SLC22A25: variants seen among roughly 807,000 people sequenced by gnomAD.
The protein encoded by SLC22A25 is MGI:2442751, MGI:2385316, MGI:3042283, MGI:3645714, MGI:3605624, MGI:2442750.
A neutral mutation model predicts 45.9 loss-of-function variants in SLC22A25; 44 were observed. The ratio of observed to expected loss-of-function variants is 0.96; its 90% CI spans 0.75 to 1.23. SLC22A25 has a LOEUF of 1.23. Ranked by LOEUF, SLC22A25 falls within the 50% of genes most tolerant of loss-of-function variation. The pLI, the probability that SLC22A25 is intolerant of heterozygous loss-of-function variation, is 0.00. For missense variants in SLC22A25, 800 were observed against 666.4 expected (o/e 1.20, Z -2.21); for synonymous variants, 283 against 238.6 (o/e 1.19, Z -1.72).
chr11:63,187,862 G>T (rs988800193), intron 7 of SLC22A25, among the ~76,000 whole-genome samples: 2 of 152,078 alleles, frequency 1.3e-5, no homozygotes, highest in Admixed American at 1.3e-4. Context: ...GATTTGCATA[G>T]GTTGAACCAG....
intron 7 of SLC22A25, among the ~76,000 whole-genome samples, chr11:63,216,281 A>G (rs949909720): frequency 1.3e-5 from 2 of 152,184 alleles, no homozygotes; most frequent in Non-Finnish European, 2.9e-5. Flanking sequence ...GTGGGAGTGT[A>G]AATTCATTCG....
intron 7 of SLC22A25, among the ~76,000 whole-genome samples, chr11:63,200,839 C>T (rs1168918135): frequency 1.3e-5 from 2 of 152,164 alleles, no homozygotes; most frequent in Non-Finnish European, 2.9e-5. Context: ...GTGCAAAAAT[C>T]ACTAGCATTC....
chr11:63,232,633 C>T (rs2090090975), intron 3 of SLC22A25, among the ~76,000 whole-genome samples: 1 of 152,158 alleles, frequency 6.6e-6, no homozygotes, highest in Admixed American at 6.5e-5. Context: ...ATTCCCTTCT[C>T]CTGCCTGATT....
At chr11:63,234,642 A>C (rs147038375) in intron 3 of SLC22A25, among the ~76,000 whole-genome samples, 3,287 of 152,218 alleles carry the variant, frequency 0.022, 122 homozygotes, top group African/African-American at 0.075. Flanking sequence ...TTTACATTTA[A>C]GGTTAGTATT....
chr11:63,167,429 A>G (rs939557427), intron 9 of SLC22A25: 1 of 152,304 alleles, frequency 6.6e-6, no homozygotes, highest in Non-Finnish European at 1.5e-5. Context: ...TGAAATTCTC[A>G]CTGCCAGCAC....
chr11:63,242,694 T>C (rs1167373176), intron 1 of SLC22A25, among the ~76,000 whole-genome samples: 1 of 152,222 alleles, frequency 6.6e-6, no homozygotes, highest in Admixed American at 6.5e-5. Flanking sequence ...CAATACTTTG[T>C]GCATCCTTCA....
intron 7 of SLC22A25, among the ~76,000 whole-genome samples, chr11:63,188,533 G>T (rs952391795): frequency 1.2e-4 from 19 of 152,114 alleles, no homozygotes; most frequent in Non-Finnish European, 2.4e-4. Context: ...AGTTCTTTGT[G>T]TCTCTATCTC....
chr11:63,230,573 A>G (rs2090048380), intron 3 of SLC22A25, among the ~76,000 whole-genome samples: 1 of 152,228 alleles, frequency 6.6e-6, no homozygotes, highest in South Asian at 2.1e-4. Context: ...CTTGATTAGG[A>G]CTAAAATTCT....
intron 1 of SLC22A25, among the ~76,000 whole-genome samples, chr11:63,241,862 GC>G (rs1383949519): frequency 2.0e-5 from 3 of 152,142 alleles, no homozygotes; most frequent in Admixed American, 1.3e-4. Context: ...AGCTTAAATG[GC>G]CTTTTGTTAA....
chr11:63,203,151 A>G (rs1209749313), intron 7 of SLC22A25, among the ~76,000 whole-genome samples: 1 of 152,192 alleles, frequency 6.6e-6, no homozygotes, highest in East Asian at 1.9e-4. Context: ...ACCCCATCTG[A>G]AGGTCACCGA....
At chr11:63,230,709 G>T (rs1282704885) in intron 3 of SLC22A25, among the ~76,000 whole-genome samples, 2 of 152,124 alleles carry the variant, frequency 1.3e-5, no homozygotes, top group Non-Finnish European at 2.9e-5. Context: ...GTGCAGATTT[G>T]TTACATATGT....
intron 7 of SLC22A25, among the ~76,000 whole-genome samples, chr11:63,203,970 C>A (rs1329612093): frequency 2.6e-5 from 4 of 152,166 alleles, no homozygotes; most frequent in East Asian, 1.9e-4. Context: ...TCTGCAGAAA[C>A]CCTACAAGCC....
intron 4 of SLC22A25, 43 bp from the exon 5 acceptor site, chr11:63,228,607 C>T: frequency 7.1e-7 from 1 of 1,408,602 alleles, no homozygotes; most frequent in East Asian, 2.3e-5. Flanking sequence ...TATAGCCCCT[C>T]AGTGTAACCT....
At chr11:63,236,367 TG>T (rs2134857403) in intron 3 of SLC22A25, among the ~76,000 whole-genome samples, 1 of 152,344 alleles carries the variant, frequency 6.6e-6, no homozygotes, top group East Asian at 1.9e-4. Context: ...CCAGCCTTGC[TG>T]CCACCTTGCA....
intron 7 of SLC22A25, among the ~76,000 whole-genome samples, chr11:63,194,536 G>A (rs577945288): frequency 9.9e-5 from 15 of 152,086 alleles, no homozygotes; most frequent in African/African-American, 3.4e-4. Flanking sequence ...TCACCATCAG[G>A]CCTGCCCTAA....
intron 7 of SLC22A25, among the ~76,000 whole-genome samples, chr11:63,212,293 T>G (rs1011730605): frequency 1.3e-5 from 2 of 151,984 alleles, no homozygotes; most frequent in Non-Finnish European, 2.9e-5. Context: ...GAAATACCAT[T>G]TGACCCAGCC....
At position 63,184,043 on chromosome 11, in the gene SLC22A25, C is replaced by T. The variant is rs148696704; in HGVS notation, c.831-226G>A. ...GGGATAAACACTTGAGTCATATTGG[C>T]ATCCCTCTTATTCAGCAAATTTGTC... On this transcript the variant is annotated intron_variant, in intron 7 of 11. Transcript: ENST00000306494. Among the ~76,000 whole-genome samples, 924 of 152,268 alleles carry T rather than the reference C, an allele frequency of 6.1e-3. 10 individuals carry two copies. Among genetic ancestry groups the T allele is most frequent in the Middle Eastern group, 0.024 (7 of 294 alleles).
intron 8 of SLC22A25, among the ~76,000 whole-genome samples, chr11:63,182,236 G>A (rs942435216): frequency 3.9e-5 from 6 of 152,134 alleles, no homozygotes; most frequent in Non-Finnish European, 5.9e-5. Flanking sequence ...TCCTCTGGGT[G>A]CTGAGGGGAC....
rs776031394 is a variant in SLC22A25 at position 63,163,913 on chromosome 11, T to C, written c.1555A>G (p.Arg519Gly). The change falls in exon 12 of 12, where the codon AGG becomes GGG. Residue 519 changes from arginine to glycine, a missense_variant. Arg to Gly is a moderately radical substitution (Grantham distance 125). Coordinates refer to ENST00000306494, the MANE Select transcript of SLC22A25 (RefSeq NM_199352.6). ...ATGCTGTCAAGAAGAGGCTGGTTCCTGGTTTCAGGAAGGAGGAGGACAACA... is the reference window on the plus strand; with the variant it reads ...ATGCTGTCAAGAAGAGGCTGGTTCCCGGTTTCAGGAAGGAGGAGGACAACA... ...GLVVLLLPET[R>G]NQPLLDSIQD... 6.2e-7 allele frequency: 1 copy of C among 1,613,926 alleles called. No homozygotes were observed. The highest frequency in any genetic ancestry group is 1.1e-5 in the South Asian group (1 of 91,058).
Sources: gnomAD v4.1 joint callset for allele counts (sites outside exome capture counted in the v4.1 genomes callset) on GRCh38, gnomAD v4.1.1 for gene constraint, MANE v1.5 for transcripts, NCBI Gene and HGNC (gene_info 2026-07-23, HGNC 2026-07-21) for gene names.